The following SPIDR variants were observed in gnomAD, a reference collection of about 807,000 sequenced individuals.
SPIDR encodes DNA repair-scaffolding protein.
In SPIDR, 93 loss-of-function variants were observed where a neutral mutation model predicts 104.6. That is an observed-to-expected ratio of 0.89 (90% CI 0.75 to 1.06). The LOEUF is 1.06. SPIDR is among the 50% of genes least tolerant of loss of function. The probability of loss-of-function intolerance (pLI) is 0.00; values close to 1 mark genes in which losing one functional copy is unlikely to be tolerated. For missense variants in SPIDR, 1,154 were observed against 1,111.2 expected (o/e 1.04, Z -0.55); for synonymous variants, 431 against 416.9 (o/e 1.03, Z -0.41).
chr8:47,272,116 C>T lies in SPIDR; in HGVS notation c.34-7746C>T, dbSNP rs955987860. Among the ~76,000 whole-genome samples the T allele has an allele frequency of 2.1e-3, 321 of 152,078 alleles. 2 individuals carry two copies. Among genetic ancestry groups the T allele is most frequent in the African/African-American group, 6.3e-3 (262 of 41,484 alleles). On this transcript the variant is annotated intron_variant, in intron 1 of 19. Transcript: ENST00000297423. ...CTGAGTAGCTGGGATTACAGGTGCG[C>T]GCCACCACACCCGGCTAGTTTTTGT...
At chr8:47,440,807 A>G (rs1039258890) in intron 8 of SPIDR, among the ~76,000 whole-genome samples, 2 of 152,200 alleles carry the variant, frequency 1.3e-5, no homozygotes, top group Admixed American at 6.5e-5. Flanking sequence ...GTGATGTGTT[A>G]TAAGATCTGG....
intron 8 of SPIDR, among the ~76,000 whole-genome samples, chr8:47,442,605 T>A (rs1413877428): frequency 1.3e-5 from 2 of 152,224 alleles, no homozygotes; most frequent in Non-Finnish European, 2.9e-5. Flanking sequence ...CCTTCAGAAA[T>A]CTGTCCTCAT....
rs980398603 is a variant in SPIDR, at chr8:47,288,079, C to T, written c.257-2954C>T. ...TCCTCTGCGGTGGCTCCAGCTCGTC[C>T]CTCTGTTCGGGGTCCCTGACTTCCT... On this transcript the variant is annotated intron_variant, in intron 3 of 19. Transcript: ENST00000297423. Among the ~76,000 whole-genome samples the T allele has an allele frequency of 2.6e-5, 4 of 151,936 alleles. No individual in the cohort carries two copies. In the South Asian group the frequency reaches 8.3e-4, roughly 32 times the overall value.
chr8:47,481,834 T>G (rs1554727361), intron 8 of SPIDR, among the ~76,000 whole-genome samples: 4 of 152,226 alleles, frequency 2.6e-5, no homozygotes, highest in African/African-American at 9.6e-5. Context: ...TCTCTGGAGA[T>G]AGTGGAGTTC....
At chr8:47,429,559 A>C (rs1021279473) in intron 7 of SPIDR, among the ~76,000 whole-genome samples, 2 of 152,252 alleles carry the variant, frequency 1.3e-5, no homozygotes, top group African/African-American at 4.8e-5. Context: ...AAGAGCTACA[A>C]AGATGTATAG....
chr8:47,307,307 G>A (rs1218536778), intron 5 of SPIDR, among the ~76,000 whole-genome samples: 3 of 150,456 alleles, frequency 2.0e-5, no homozygotes, highest in African/African-American at 7.3e-5. Context: ...TGCAACCTCT[G>A]CCTCCTGGGT....
At chr8:47,640,032 A>C (rs2068614305) in intron 10 of SPIDR, among the ~76,000 whole-genome samples, 2 of 152,170 alleles carry the variant, frequency 1.3e-5, no homozygotes, top group African/African-American at 2.4e-5. Flanking sequence ...GAAATATGGC[A>C]AGTCAGCTCA....
At chr8:47,366,049 A>G (rs2057150238) in intron 5 of SPIDR, among the ~76,000 whole-genome samples, 2 of 152,196 alleles carry the variant, frequency 1.3e-5, no homozygotes, top group African/African-American at 2.4e-5. Flanking sequence ...ACCTATTAAA[A>G]AAAAGACATG....
chr8:47,554,264 A>C (rs551814056), intron 8 of SPIDR, among the ~76,000 whole-genome samples: 1 of 151,966 alleles, frequency 6.6e-6, no homozygotes, highest in Admixed American at 6.6e-5. Flanking sequence ...GAGAACCACT[A>C]CTCTCTTCAA....
chr8:47,331,660 A>G (rs1227465002), intron 5 of SPIDR, among the ~76,000 whole-genome samples: 1 of 152,220 alleles, frequency 6.6e-6, no homozygotes, highest in African/African-American at 2.4e-5. Context: ...CTTTATAAAC[A>G]TAGTACACTT....
At position 47,506,143 on chromosome 8, in the gene SPIDR, G is replaced by A. The variant is rs554987564; in HGVS notation, c.1097+65601G>A. 9.2e-5 allele frequency among the ~76,000 whole-genome samples: 14 copies of A among 152,246 alleles called. No homozygotes were observed. The South Asian group carries it at 1.0e-3, about 11-fold the overall frequency. ...CAGTTGCAGATGACAGAATCCAGGC[G>A]AGGCTTTCTAAGCAGAACATGTTTG... On this transcript the variant is annotated intron_variant, in intron 8 of 19. Coordinates refer to ENST00000297423, the MANE Select transcript of SPIDR (RefSeq NM_001080394.4).
chr8:47,706,113 C>T (rs2081047634), intron 14 of SPIDR, among the ~76,000 whole-genome samples: 1 of 152,158 alleles, frequency 6.6e-6, no homozygotes, highest in Admixed American at 6.5e-5. Context: ...CCAAAACCAG[C>T]TGGGCGCGGT....
intron 5 of SPIDR, among the ~76,000 whole-genome samples, chr8:47,301,276 T>G (rs1456979971): frequency 6.6e-6 from 1 of 152,186 alleles, no homozygotes; most frequent in Non-Finnish European, 1.5e-5. Flanking sequence ...AACCCCTGCC[T>G]TTTTTTGTTT....
intron 5 of SPIDR, among the ~76,000 whole-genome samples, chr8:47,346,158 G>C (rs2051970380): frequency 6.6e-6 from 1 of 152,170 alleles, no homozygotes; most frequent in Non-Finnish European, 1.5e-5. Flanking sequence ...AGTTTATTGA[G>C]AGTTTTTAGC....
chr8:47,484,671 C>T (rs1301335330), intron 8 of SPIDR, among the ~76,000 whole-genome samples: 5 of 152,130 alleles, frequency 3.3e-5, no homozygotes, highest in African/African-American at 9.7e-5. Context: ...AAAGCTGATA[C>T]CAGACACAAT....
At chr8:47,707,972 T>C (rs1248353675) in intron 14 of SPIDR, among the ~76,000 whole-genome samples, 1 of 152,248 alleles carries the variant, frequency 6.6e-6, no homozygotes, top group Non-Finnish European at 1.5e-5. Context: ...GCCTTATTAC[T>C]AGCATTATAG....
At chr8:47,702,627 A>G (rs2080470654) in intron 14 of SPIDR, among the ~76,000 whole-genome samples, 1 of 152,164 alleles carries the variant, frequency 6.6e-6, no homozygotes, top group South Asian at 2.1e-4. Context: ...CATGGACTAC[A>G]TTCTGCTAGA....
chr8:47,731,533 G>T (rs1382093400), intron 19 of SPIDR, among the ~76,000 whole-genome samples: 1 of 152,248 alleles, frequency 6.6e-6, no homozygotes, highest in African/African-American at 2.4e-5. Flanking sequence ...TTCCCTGCTA[G>T]GGGGATGAGT....
rs192514212 is a variant in SPIDR at position 47,608,841 on chromosome 8, A to G, written c.1544+9645A>G. 9.2e-3 allele frequency among the ~76,000 whole-genome samples: 1,397 copies of G among 152,304 alleles called. 11 individuals are homozygous for G. The highest frequency in any genetic ancestry group is 0.015 in the Non-Finnish European group (1,010 of 68,032). On this transcript the variant is annotated intron_variant, in intron 10 of 19. Transcript: ENST00000297423. ...TGGTTCCAGGCGATTCTTCTGCCTC[A>G]GCCTCCCGAGTAGCTGGGACTACAC...
Sources: gnomAD v4.1 joint callset for allele counts (sites outside exome capture counted in the v4.1 genomes callset) on GRCh38, gnomAD v4.1.1 for gene constraint, MANE v1.5 for transcripts, NCBI Gene and HGNC (gene_info 2026-07-23, HGNC 2026-07-21) for gene names.